Variants in DZIP3 observed in about 807,000 individuals in gnomAD.
DZIP3 encodes DAZ interacting zinc finger protein 3.
DZIP3 carries 118 observed loss-of-function variants against 162.0 expected under a neutral mutation model. The observed-to-expected ratio is 0.73, with a 90% CI of 0.63 to 0.85. DZIP3 has a LOEUF of 0.85. Ranked by LOEUF, DZIP3 falls within the 40% of genes least tolerant of loss-of-function variation. The probability of loss-of-function intolerance (pLI) is 0.00; values close to 1 mark genes in which losing one functional copy is unlikely to be tolerated. For missense variants in DZIP3, 1,331 were observed against 1,407.0 expected, an observed-to-expected ratio of 0.95 and a Z score of 0.86; for synonymous variants, 438 against 458.6, an observed-to-expected ratio of 0.96 and a Z score of 0.57.
chr3:108,635,563 CTG>C (rs542083297), intron 10 of DZIP3, among the ~76,000 whole-genome samples: 113 of 146,490 alleles, frequency 7.7e-4, no homozygotes, highest in African/African-American at 2.1e-3. Flanking sequence ...TTATATATAA[CTG>C]TATAACTACA....
At chr3:108,660,544 A>G (rs1332458582) in intron 19 of DZIP3, among the ~76,000 whole-genome samples, 3 of 152,116 alleles carry the variant, frequency 2.0e-5, no homozygotes, top group Non-Finnish European at 2.9e-5. Context: ...CCTAGAAGAA[A>G]ACCTAGGCAA....
chr3:108,682,353 G>A (rs1205879564), intron 26 of DZIP3, among the ~76,000 whole-genome samples: 2 of 150,998 alleles, frequency 1.3e-5, no homozygotes, highest in African/African-American at 5.0e-5. Context: ...ATTTACCATT[G>A]CTAAGATATG....
chr3:108,686,935 G>A (rs1313684179), intron 28 of DZIP3, among the ~76,000 whole-genome samples: 1 of 152,058 alleles, frequency 6.6e-6, no homozygotes, highest in African/African-American at 2.4e-5. Flanking sequence ...TTGATTGTAT[G>A]CTATATAAGC....
chr3:108,657,149 T>C (rs544676362), intron 19 of DZIP3, among the ~76,000 whole-genome samples: 3 of 152,178 alleles, frequency 2.0e-5, no homozygotes, highest in East Asian at 3.9e-4. Context: ...GCCACAAAGA[T>C]ACTACTCGAG....
At chr3:108,689,083 T>C (rs933558977) in intron 31 of DZIP3, among the ~76,000 whole-genome samples, 159 bp downstream of exon 31, 1 of 152,192 alleles carries the variant, frequency 6.6e-6, no homozygotes, top group African/African-American at 2.4e-5. Context: ...GCTTTTCCCA[T>C]ACATAGCCAT....
chr3:108,670,392 T>C (rs533085797), intron 22 of DZIP3, among the ~76,000 whole-genome samples: 33 of 152,096 alleles, frequency 2.2e-4, no homozygotes, highest in African/African-American at 7.9e-4. Flanking sequence ...GATCATATAA[T>C]ATGTAGCCTC....
At chr3:108,615,246 A>G (rs2107524871) in intron 4 of DZIP3, among the ~76,000 whole-genome samples, 1 of 152,308 alleles carries the variant, frequency 6.6e-6, no homozygotes, top group African/African-American at 2.4e-5. Flanking sequence ...ATTAGTTTTT[A>G]TATCTTGTCC....
intron 12 of DZIP3, among the ~76,000 whole-genome samples, chr3:108,641,806 C>T (rs1378468686): frequency 6.6e-6 from 1 of 152,122 alleles, no homozygotes; most frequent in African/African-American, 2.4e-5. Flanking sequence ...CACCAAAATC[C>T]CTTTCCTCAT....
intron 18 of DZIP3, among the ~76,000 whole-genome samples, chr3:108,653,167 C>T (rs755827672): frequency 2.6e-5 from 4 of 151,730 alleles, no homozygotes; most frequent in South Asian, 2.1e-4. Context: ...TTGATTTCAT[C>T]GAACTTTTCA....
At position 108,688,747 on chromosome 3, in the gene DZIP3, A is replaced by G. The variant is rs1559789136; in HGVS notation, c.3414+11A>G. ...GGAGCCAGTAATCCAGTGAGACTGA[A>G]ATTTTTGATTCTGAACACATTTAGA... On this transcript the variant is annotated intron_variant, in intron 30 of 32. Coordinates refer to ENST00000361582, the MANE Select transcript of DZIP3 (RefSeq NM_014648.4). 1.2e-6 allele frequency: 2 copies of G among 1,613,724 alleles called. No individual in the cohort carries two copies. The highest frequency in any genetic ancestry group is 1.3e-5 in the African/African-American group (1 of 74,868).
In DZIP3 at chr3:108,688,691, A is replaced by G; in HGVS notation, c.3369A>G (p.Pro1123=). The G allele has an allele frequency of 6.2e-7, 1 of 1,614,008 alleles. No homozygotes were observed. The highest frequency in any genetic ancestry group is 8.5e-7 in the Non-Finnish European group (1 of 1,179,982). The change falls in exon 30 of 33, where the codon CCA becomes CCG. Residue 1123 remains proline (P), a synonymous_variant. Transcript: ENST00000361582. ...AAQPPKPAWR[P]LTSQGPATWE... is the part of the protein sequence containing the mutation. Reference sequence around the variant, plus strand: ...AGCCCCCAAAACCAGCCTGGAGGCCACTCACTTCACAGGGTCCTGCCACAT... The same window carrying G: ...AGCCCCCAAAACCAGCCTGGAGGCCGCTCACTTCACAGGGTCCTGCCACAT...
At chr3:108,650,319 G>A (rs1942809405) in intron 17 of DZIP3, among the ~76,000 whole-genome samples, 1 of 151,754 alleles carries the variant, frequency 6.6e-6, no homozygotes, top group Non-Finnish European at 1.5e-5. Flanking sequence ...AAAGGCAGGA[G>A]TCAAGAATTC....
At chr3:108,663,616 G>T (rs1433738208) in intron 21 of DZIP3, among the ~76,000 whole-genome samples, 2 of 150,174 alleles carry the variant, frequency 1.3e-5, no homozygotes, top group Non-Finnish European at 3.0e-5. Context: ...TTAGCCTAAA[G>T]GGGATGACCA....
chr3:108,619,577 C>A (rs1366262962), intron 5 of DZIP3, among the ~76,000 whole-genome samples: 3 of 152,042 alleles, frequency 2.0e-5, no homozygotes, highest in Non-Finnish European at 4.4e-5. Context: ...GATGTCCAAG[C>A]TCCAGCAAGC....
chr3:108,598,008 T>C (rs1939797856), intron 1 of DZIP3, among the ~76,000 whole-genome samples: 1 of 152,212 alleles, frequency 6.6e-6, no homozygotes, highest in Non-Finnish European at 1.5e-5. Context: ...AGTATCTGAA[T>C]TGTTTTGTTG....
intron 27 of DZIP3, among the ~76,000 whole-genome samples, chr3:108,686,176 A>C (rs1383651392): frequency 6.6e-6 from 1 of 152,214 alleles, no homozygotes; most frequent in African/African-American, 2.4e-5. Flanking sequence ...ATATTTATAA[A>C]CAGTTAGAAA....
intron 19 of DZIP3, among the ~76,000 whole-genome samples, chr3:108,654,867 A>AT (rs930349777): frequency 1.3e-4 from 20 of 152,172 alleles, no homozygotes; most frequent in Admixed American, 2.6e-4. Context: ...TTAAAAAACT[A>AT]TTTTTTTACC....
chr3:108,656,553 G>T (rs919213526), intron 19 of DZIP3, among the ~76,000 whole-genome samples: 4 of 152,124 alleles, frequency 2.6e-5, no homozygotes, highest in African/African-American at 9.7e-5. Context: ...AAAAAACAGA[G>T]CAGAAAAACT....
chr3:108,594,356 C>G (rs1939592200), intron 1 of DZIP3, among the ~76,000 whole-genome samples: 1 of 151,492 alleles, frequency 6.6e-6, no homozygotes, highest in Admixed American at 6.6e-5. Context: ...TCTTAGTACA[C>G]CTAGGTTTTT....
Sources: allele counts gnomAD v4.1 joint callset (sites outside exome capture counted in the v4.1 genomes callset), GRCh38; gene constraint gnomAD v4.1.1; transcripts MANE v1.5; gene names NCBI Gene and HGNC (gene_info 2026-07-23, HGNC 2026-07-21).